Variants in C3orf33 observed in about 807,000 individuals in gnomAD.
C3orf33 encodes the protein mitochondrial inner membrane subdomain organizer 1, also known as AP-1 activity suppressor.
A neutral mutation model predicts 28.7 loss-of-function variants in C3orf33; 23 were observed. The observed-to-expected ratio is 0.80, with a 90% CI of 0.58 to 1.13. C3orf33 has a LOEUF of 1.13. C3orf33 is among the 50% of genes most tolerant of loss of function. C3orf33 has a pLI of 0.00. For synonymous variants in C3orf33, 119 were observed against 120.5 expected, an observed-to-expected ratio of 0.99 and a Z score of 0.08; for missense variants, 327 against 353.4, an observed-to-expected ratio of 0.93 and a Z score of 0.60.
At chr3:155,773,258 T>C (rs1271931595) in intron 3 of C3orf33, among the ~76,000 whole-genome samples, 2 of 152,200 alleles carry the variant, frequency 1.3e-5, no homozygotes, top group Non-Finnish European at 1.5e-5. Context: ...TACAGGTAAA[T>C]AGGTTTCATG....
chr3:155,792,761 G>A (rs34729483), intron 2 of C3orf33, among the ~76,000 whole-genome samples: 85,818 of 151,530 alleles, frequency 0.57, 24,790 homozygotes, highest in Middle Eastern at 0.7. Flanking sequence ...GCAAGTCTGA[G>A]GACAGGCTAT....
chr3:155,771,770 A>G (rs1291222326), intron 3 of C3orf33, among the ~76,000 whole-genome samples: 1 of 152,212 alleles, frequency 6.6e-6, no homozygotes, highest in Non-Finnish European at 1.5e-5. Flanking sequence ...TGAGCCCTTC[A>G]ATAAATCTTT....
At chr3:155,772,077 C>T (rs1750609995) in intron 3 of C3orf33, among the ~76,000 whole-genome samples, 1 of 152,132 alleles carries the variant, frequency 6.6e-6, no homozygotes, top group South Asian at 2.1e-4. Flanking sequence ...TGATGGTGCA[C>T]TTCTGTAGTC....
chr3:155,763,411 C>T lies in C3orf33; in HGVS notation c.*106G>A. On this transcript the variant is annotated 3_prime_UTR_variant, in exon 5 of 5. Transcript: ENST00000340171. Reference sequence around the variant, plus strand: ...TAATATTTAAATACCATTGGACTAACACTTTGATCATTTGGCAAAACTTCC... The same window carrying T: ...TAATATTTAAATACCATTGGACTAATACTTTGATCATTTGGCAAAACTTCC... 1 of 732,394 alleles carries T rather than the reference C, an allele frequency of 1.4e-6. No homozygotes were observed. The highest frequency in any genetic ancestry group is 2.0e-6 in the Non-Finnish European group (1 of 501,614). The allele number at this position is 732,394 out of a possible 1,614,324, so 45.4% of individuals were successfully genotyped here.
At chr3:155,793,809 C>CGA (rs1751387048) in intron 2 of C3orf33, among the ~76,000 whole-genome samples, 1 of 37,484 alleles carries the variant, frequency 2.7e-5, no homozygotes, top group African/African-American at 7.2e-5. Flanking sequence ...GACTCTGACT[C>CGA]AAAAAAAAAA....
At chr3:155,795,495 A>G (rs1162004103) in intron 2 of C3orf33, among the ~76,000 whole-genome samples, 1 of 151,994 alleles carries the variant, frequency 6.6e-6, no homozygotes, top group Non-Finnish European at 1.5e-5. Context: ...AAAAAAATCA[A>G]AATTATATCA....
chr3:155,766,145 C>CA (rs1377476832), intron 4 of C3orf33, among the ~76,000 whole-genome samples: 41 of 152,338 alleles, frequency 2.7e-4, no homozygotes, highest in African/African-American at 9.6e-4. Context: ...CCTCCCACCT[C>CA]AGCCTCCTGA....
intron 2 of C3orf33, among the ~76,000 whole-genome samples, chr3:155,778,311 T>G (rs190203320): frequency 1.3e-5 from 2 of 151,926 alleles, no homozygotes; most frequent in African/African-American, 4.9e-5. Flanking sequence ...CTTTATTTTA[T>G]GTAAGATTGG....
At chr3:155,796,619 C>T (rs1445658195) in intron 2 of C3orf33, among the ~76,000 whole-genome samples, 1 of 152,150 alleles carries the variant, frequency 6.6e-6, no homozygotes, top group Admixed American at 6.6e-5. Context: ...ACCAATCCTA[C>T]TCAAATGATT....
Position 155,802,529 on chromosome 3 carries a change from T to C in C3orf33, c.174+3A>G. 6.2e-7 allele frequency: 1 copy of C among 1,601,720 alleles called. No individual in the cohort carries two copies. The highest frequency in any genetic ancestry group is 8.5e-7 in the Non-Finnish European group (1 of 1,175,260). ...GTAATGTCTTTTTCATTTTTTAACT[T>C]ACCAGTCGAATGCTTCTCAAAAGTA... is the stretch of plus-strand genomic sequence containing the variant. On this transcript the variant is annotated splice_donor_region_variant and intron_variant, in intron 2 of 4. Coordinates refer to ENST00000340171, the MANE Select transcript of C3orf33 (RefSeq NM_001308229.2).
intron 2 of C3orf33, among the ~76,000 whole-genome samples, chr3:155,800,670 T>C (rs1198689877): frequency 3.3e-5 from 2 of 60,296 alleles, no homozygotes; most frequent in African/African-American, 6.8e-5. Context: ...TGTGAGAAAA[T>C]ATTTGCAAAT....
intron 2 of C3orf33, among the ~76,000 whole-genome samples, chr3:155,802,220 G>T (rs1046503299): frequency 1.8e-4 from 27 of 152,130 alleles, no homozygotes; most frequent in Admixed American, 6.5e-5. Flanking sequence ...AACACTTTAA[G>T]ATATTCTACA....
intron 3 of C3orf33, among the ~76,000 whole-genome samples, chr3:155,769,767 G>A (rs1324210894): frequency 1.3e-5 from 2 of 152,138 alleles, no homozygotes; most frequent in African/African-American, 4.8e-5. Flanking sequence ...AGGGGCAGGT[G>A]CCCGGTGAAA....
At chr3:155,790,214 C>A (rs1577431011) in intron 2 of C3orf33, among the ~76,000 whole-genome samples, 6 of 107,456 alleles carry the variant, frequency 5.6e-5, no homozygotes, top group East Asian at 2.7e-4. Context: ...ACGGAATATT[C>A]ACATGCAAAA....
At chr3:155,774,122 T>C (rs1750668180) in intron 3 of C3orf33, among the ~76,000 whole-genome samples, 1 of 152,206 alleles carries the variant, frequency 6.6e-6, no homozygotes, top group Admixed American at 6.5e-5. Context: ...ATTAAATTAA[T>C]TCATTTGACA....
chr3:155,791,232 C>A (rs969868659), intron 2 of C3orf33, among the ~76,000 whole-genome samples: 5 of 152,108 alleles, frequency 3.3e-5, no homozygotes, highest in African/African-American at 1.2e-4. Flanking sequence ...CACAAAGCAA[C>A]CCACTACCTT....
intron 4 of C3orf33, among the ~76,000 whole-genome samples, chr3:155,765,759 G>A (rs968157883): frequency 4.3e-4 from 65 of 152,166 alleles, no homozygotes; most frequent in African/African-American, 1.5e-3. Flanking sequence ...AATTGGCCAG[G>A]CTGGTCTCAA....
chr3:155,789,386 AAAG>A (rs544378357), intron 2 of C3orf33, among the ~76,000 whole-genome samples: 94 of 152,102 alleles, frequency 6.2e-4, no homozygotes, highest in African/African-American at 2.2e-3. Context: ...ATAACATCAC[AAAG>A]AATAAAATAA....
chr3:155,803,203 T>C (rs1301172434), intron 1 of C3orf33, among the ~76,000 whole-genome samples: 2 of 149,072 alleles, frequency 1.3e-5, no homozygotes, highest in East Asian at 3.9e-4. Flanking sequence ...AAATTAAGAA[T>C]CCTGCAACTC....
Sources: allele counts gnomAD v4.1 joint callset (sites outside exome capture counted in the v4.1 genomes callset), GRCh38; gene constraint gnomAD v4.1.1; transcripts MANE v1.5; gene names NCBI Gene and HGNC (gene_info 2026-07-23, HGNC 2026-07-21).